TLE4: variants seen among roughly 807,000 people sequenced by gnomAD.
The protein encoded by TLE4 is TLE family member 4, transcriptional corepressor, also known as transducin-like enhancer protein 4.
Under a neutral mutation model 92.8 loss-of-function variants are expected in TLE4, and 8 were observed. The ratio of observed to expected loss-of-function variants is 0.09; its 90% CI spans 0.05 to 0.16. The LOEUF is 0.16. Ranked by LOEUF, TLE4 falls within the 10% of genes least tolerant of loss-of-function variation. The pLI is 1.00. For synonymous variants in TLE4, 371 were observed against 374.1 expected (o/e 0.99, Z 0.10); for missense variants, 675 against 997.6 (o/e 0.68, Z 4.36).
chr9:79,695,640 G>A (rs1256953407), intron 8 of TLE4, among the ~76,000 whole-genome samples: 1 of 152,182 alleles, frequency 6.6e-6, no homozygotes, highest in Non-Finnish European at 1.5e-5. Flanking sequence ...TAGTCAAGTA[G>A]ATGAGATAAA....
At chr9:79,675,436 T>G (rs2063106729) in intron 8 of TLE4, among the ~76,000 whole-genome samples, 1 of 152,194 alleles carries the variant, frequency 6.6e-6, no homozygotes, top group Admixed American at 6.5e-5. Context: ...TCATAGTGAT[T>G]TATACTTTAA....
chr9:79,694,573 C>G (rs984968164), intron 8 of TLE4, among the ~76,000 whole-genome samples: 25 of 152,130 alleles, frequency 1.6e-4, no homozygotes, highest in African/African-American at 5.6e-4. Context: ...CCTCAGCATA[C>G]TGAAGTTACT....
intron 11 of TLE4, 92 bp from the exon 12 acceptor site, chr9:79,708,026 T>G (rs2072173850): frequency 7.4e-7 from 1 of 1,349,552 alleles, no homozygotes; most frequent in African/African-American, 1.5e-5. Context: ...TCCATTTCTT[T>G]TCCTCCTTTC....
At chr9:79,723,980 GTGT>G (rs2076047872) in intron 19 of TLE4, among the ~76,000 whole-genome samples, 2 of 152,118 alleles carry the variant, frequency 1.3e-5, no homozygotes, top group South Asian at 4.1e-4. Context: ...TTAAAATCCT[GTGT>G]TGTTTTCATT....
chr9:79,699,310 GCCTCCAC>G (rs1427011998), intron 8 of TLE4, among the ~76,000 whole-genome samples: 3 of 152,122 alleles, frequency 2.0e-5, no homozygotes, highest in Admixed American at 6.6e-5. Context: ...TGTCTTCTGT[GCCTCCAC>G]CCCTGTCCCC....
intron 14 of TLE4, among the ~76,000 whole-genome samples, chr9:79,710,386 GC>G: frequency 6.6e-6 from 1 of 152,290 alleles, no homozygotes; most frequent in Non-Finnish European, 1.5e-5. Context: ...CCAGCTGGCT[GC>G]TTTCTCTCGC....
intron 4 of TLE4, among the ~76,000 whole-genome samples, chr9:79,584,691 G>C (rs746680021): frequency 6.6e-6 from 1 of 152,122 alleles, no homozygotes; most frequent in Non-Finnish European, 1.5e-5. Flanking sequence ...GGGTATATTA[G>C]GTTGCAAGAT....
intron 5 of TLE4, among the ~76,000 whole-genome samples, chr9:79,620,841 CT>C (rs932421854): frequency 6.6e-6 from 1 of 151,956 alleles, no homozygotes; most frequent in Admixed American, 6.6e-5. Context: ...ACTCAGGGAG[CT>C]TTTTTTACTC....
chr9:79,621,519 T>G (rs1183668079), intron 5 of TLE4, among the ~76,000 whole-genome samples: 1 of 152,144 alleles, frequency 6.6e-6, no homozygotes. Flanking sequence ...GGGCTCATTA[T>G]CCCAAAATGG....
chr9:79,663,140 C>T (rs969336588), intron 8 of TLE4, among the ~76,000 whole-genome samples: 4 of 152,162 alleles, frequency 2.6e-5, no homozygotes, highest in Admixed American at 6.5e-5. Flanking sequence ...CTGATTGGGA[C>T]TCGCACAGCT....
intron 6 of TLE4, among the ~76,000 whole-genome samples, chr9:79,650,142 C>T (rs1722840645): frequency 6.6e-6 from 1 of 152,070 alleles, no homozygotes; most frequent in African/African-American, 2.4e-5. Context: ...TCTCAAACTC[C>T]TGGGCTCAAG....
chr9:79,692,167 G>C (rs2067216470), intron 8 of TLE4, among the ~76,000 whole-genome samples: 1 of 152,182 alleles, frequency 6.6e-6, no homozygotes, highest in African/African-American at 2.4e-5. Flanking sequence ...TGCAAACCTA[G>C]TCTTCACTTA....
intron 8 of TLE4, among the ~76,000 whole-genome samples, chr9:79,661,460 T>C (rs2134455416): frequency 6.6e-6 from 1 of 152,318 alleles, no homozygotes; most frequent in East Asian, 1.9e-4. Flanking sequence ...AATTTTGGAC[T>C]TAGAGAGTCA....
chr9:79,654,948 C>G (rs1010847138), intron 8 of TLE4, among the ~76,000 whole-genome samples: 1 of 152,122 alleles, frequency 6.6e-6, no homozygotes, highest in Non-Finnish European at 1.5e-5. Context: ...TCGAGACCAT[C>G]CTGGCCAACA....
chr9:79,675,152 A>G (rs1019189311), intron 8 of TLE4, among the ~76,000 whole-genome samples: 1 of 152,174 alleles, frequency 6.6e-6, no homozygotes, highest in African/African-American at 2.4e-5. Context: ...ATTGATGAAC[A>G]AGCACTTACA....
At chr9:79,576,601 G>A (rs1385716879) in intron 4 of TLE4, 2 of 152,548 alleles carry the variant, frequency 1.3e-5, no homozygotes, top group African/African-American at 4.8e-5. Flanking sequence ...GATAGAGGGT[G>A]AGCTGGGAGG....
rs1403081764 is a variant in TLE4, at chr9:79,708,758, C to T, written c.1235C>T (p.Ala412Val). ...QMSAAAAAAA[A>V]AAAYGRSPVV... ...AGCGCAGCTGCTGCCGCCGCCGCTGCTGCTGCTGCCTATGGGAGATCACCA... is the reference window on the plus strand; with the variant it reads ...AGCGCAGCTGCTGCCGCCGCCGCTGTTGCTGCTGCCTATGGGAGATCACCA... Residue 412 changes from alanine (A) to valine (V), a missense_variant, in exon 13 of 20, where the codon GCT (alanine) becomes GTT (valine). Around this residue, in one of 5 missense-constraint regions of TLE4, gnomAD observed 119 missense variants for 175.9 expected, o/e 0.68. Coordinates refer to ENST00000376552, the MANE Select transcript of TLE4 (RefSeq NM_007005.6). The T allele has an allele frequency of 8.7e-6, 14 of 1,607,908 alleles. No homozygotes were observed. Among genetic ancestry groups the T allele is most frequent in the Non-Finnish European group, 1.2e-5 (14 of 1,179,974 alleles).
rs577367076 is a variant in TLE4 at position 79,704,642 on chromosome 9, C to T, written c.610-141C>T. The T allele has an allele frequency of 1.0e-4, 111 of 1,103,640 alleles. No homozygotes were observed. The South Asian group carries it at 1.6e-3, about 16-fold the overall frequency. 68.4% of individuals were successfully genotyped at this position (1,103,640 alleles called of 1,614,324 possible). A position where few individuals can be genotyped will look rare whatever the true frequency, so the allele number is the denominator to read the frequency against. ...CCTGTTTTCTTCCTTTCGTCTCCTC[C>T]GCTTTCTCCTATCTCCTCTTAACAG... On this transcript the variant is annotated intron_variant, in intron 8 of 19. Transcript: ENST00000376552.
At chr9:79,589,884 A>G (rs762306946) in intron 4 of TLE4, among the ~76,000 whole-genome samples, 7 of 152,162 alleles carry the variant, frequency 4.6e-5, no homozygotes, top group Non-Finnish European at 8.8e-5. Flanking sequence ...CTTTAGGGCA[A>G]AGTACATTAT....
Sources: gnomAD v4.1 joint callset for allele counts (sites outside exome capture counted in the v4.1 genomes callset) on GRCh38, gnomAD v4.1.1 for gene constraint, gnomAD v4.1.1 regional missense constraint, MANE v1.5 for transcripts, NCBI Gene and HGNC (gene_info 2026-07-23, HGNC 2026-07-21) for gene names.